Variants in MADD observed in about 807,000 individuals in gnomAD.
The protein encoded by MADD is MAP kinase-activating death domain protein.
MADD carries 109 observed loss-of-function variants against 176.7 expected under a neutral mutation model. That is an observed-to-expected ratio of 0.62 (90% CI 0.53 to 0.72). The LOEUF is 0.72. Ranked by LOEUF, MADD falls within the 30% of genes least tolerant of loss-of-function variation. The probability of loss-of-function intolerance (pLI) is 0.00; values close to 1 mark genes in which losing one functional copy is unlikely to be tolerated. For missense variants in MADD, 1,914 were observed against 2,045.5 expected (o/e 0.94, Z 1.24); for synonymous variants, 771 against 771.3 (o/e 1.00, Z 0.01).
exon 10 of MADD, chr11:47,282,909 T>G (rs748670322): frequency 6.2e-7 from 1 of 1,614,070 alleles, no homozygotes; most frequent in South Asian, 1.1e-5. Context: ...AATTCCCAGC[T>G]GGCTGAGGCC....
chr11:47,306,190 G>A (rs2082462630), intron 22 of MADD, among the ~76,000 whole-genome samples: 1 of 152,184 alleles, frequency 6.6e-6, no homozygotes, highest in South Asian at 2.1e-4. Flanking sequence ...GGGGAGTGGG[G>A]AGGGGTAGGT....
intron 26 of MADD, 81 bp from the exon 30 acceptor site, chr11:47,315,139 G>C: frequency 1.3e-6 from 1 of 790,880 alleles, no homozygotes; most frequent in East Asian, 2.5e-5. Flanking sequence ...ATATGAATTT[G>C]ATTGCTGGAT....
At chr11:47,301,746 T>C (rs1178142015) in intron 22 of MADD, among the ~76,000 whole-genome samples, 2 of 152,202 alleles carry the variant, frequency 1.3e-5, no homozygotes, top group Non-Finnish European at 2.9e-5. Flanking sequence ...TTTAAAAGTT[T>C]CTTGTTATTT....
exon 2 of MADD, chr11:47,273,959 A>G: frequency 6.2e-7 from 1 of 1,614,110 alleles, no homozygotes; most frequent in African/African-American, 1.3e-5. Context: ...TTGACTATCT[A>G]GTGATCGTAG....
chr11:47,278,695 A>G (rs1166305583), intron 6 of MADD, among the ~76,000 whole-genome samples: 1 of 152,198 alleles, frequency 6.6e-6, no homozygotes, highest in African/African-American at 2.4e-5. Flanking sequence ...CTTTGGTGGG[A>G]AGCCCTTATG....
intron 27 of MADD, among the ~76,000 whole-genome samples, chr11:47,323,129 T>G (rs1484805062): frequency 6.6e-6 from 1 of 151,544 alleles, no homozygotes; most frequent in African/African-American, 2.4e-5. Context: ...TCTCAGCTAC[T>G]CGGGAGGCTG....
intron 22 of MADD, among the ~76,000 whole-genome samples, chr11:47,302,774 G>C (rs1036693658): frequency 3.3e-5 from 5 of 151,766 alleles, no homozygotes; most frequent in Non-Finnish European, 7.4e-5. Context: ...TTGATAGTGT[G>C]GACTTACTTC....
chr11:47,324,833 C>G, intron 30 of MADD: 1 of 647,982 alleles, frequency 1.5e-6, no homozygotes, highest in East Asian at 2.7e-5. Flanking sequence ...CCACGCTGCC[C>G]CATCCGTTGG....
At chr11:47,278,955 C>G (rs760561759) in intron 6 of MADD, 44 bp from the exon 7 acceptor site, 1 of 1,538,612 alleles carries the variant, frequency 6.5e-7, no homozygotes, top group Non-Finnish European at 9.0e-7. Context: ...AATTCCTGAG[C>G]AATAAACTCT....
chr11:47,297,654 G>T (rs752543649), intron 22 of MADD, among the ~76,000 whole-genome samples: 10 of 151,566 alleles, frequency 6.6e-5, no homozygotes, highest in Non-Finnish European at 1.3e-4. Flanking sequence ...CACCATGTTA[G>T]CCAGGACGGT....
chr11:47,314,715 A>G (rs752808494), intron 26 of MADD, among the ~76,000 whole-genome samples: 1 of 152,220 alleles, frequency 6.6e-6, no homozygotes, highest in Non-Finnish European at 1.5e-5. Flanking sequence ...CCAAATACGT[A>G]TCTCTGAGGT....
In MADD at chr11:47,282,904, C is replaced by G. The variant is rs781778971; in HGVS notation, c.1797C>G (p.Ser599=). 3 of 1,614,062 alleles carry G rather than the reference C, an allele frequency of 1.9e-6. No individual in the cohort carries two copies. In the South Asian group the frequency reaches 3.3e-5, roughly 18 times the overall value. ...ACTATCGCGTCTATGACAGCAATTC[C>G]CAGCTGGCTGAGGCCCTGAGTGTAC... The change falls in exon 10 of 33, where the codon TCC becomes TCG. Residue 599 remains serine, a synonymous_variant. Transcript: ENST00000402192.
At chr11:47,275,151 C>A (rs574352608) in exon 3 of MADD, 3 of 1,611,926 alleles carry the variant, frequency 1.9e-6, no homozygotes, top group Non-Finnish European at 2.5e-6. Flanking sequence ...TCCCTCGAGG[C>A]GTACAAAGGT....
intron 27 of MADD, among the ~76,000 whole-genome samples, chr11:47,316,834 C>T (rs576723645): frequency 6.6e-6 from 1 of 152,204 alleles, no homozygotes; most frequent in African/African-American, 2.4e-5. Flanking sequence ...ACCTCTGCCC[C>T]TTGGGTTCAA....
intron 3 of MADD, among the ~76,000 whole-genome samples, 153 bp downstream of exon 3, chr11:47,275,312 G>C (rs1421965066): frequency 6.6e-6 from 1 of 152,112 alleles, no homozygotes; most frequent in African/African-American, 2.4e-5. Context: ...TTTTCTTTTG[G>C]AGACAGTCTC....
intron 22 of MADD, among the ~76,000 whole-genome samples, chr11:47,298,262 C>T (rs776511398): frequency 2.6e-5 from 4 of 152,176 alleles, no homozygotes; most frequent in South Asian, 4.1e-4. Context: ...TACTTCTCTT[C>T]GCTTAGAAGA....
rs762676490 is a variant in MADD, at chr11:47,293,872, C to T, written c.3302-11C>T. On this transcript the variant is annotated splice_polypyrimidine_tract_variant and intron_variant, in intron 19 of 32. Transcript: ENST00000402192. ...TTGTGCACGGAGTAACAGAAGTCTT[C>T]CCCTACTCAGGGCCTGAAGTAATCA... 4 of 1,581,828 alleles carry T rather than the reference C, an allele frequency of 2.5e-6. No individual in the cohort carries two copies. Among genetic ancestry groups the T allele is most frequent in the Non-Finnish European group, 3.5e-6 (4 of 1,150,586 alleles).
At chr11:47,328,162 T>C in intron 31 of MADD, 1 of 1,021,578 alleles carries the variant, frequency 9.8e-7, no homozygotes, top group Non-Finnish European at 1.2e-6. Context: ...CTCAAGACCC[T>C]CTGTGTAGGG....
intron 19 of MADD, among the ~76,000 whole-genome samples, chr11:47,291,998 G>A (rs1351436260): frequency 2.6e-5 from 4 of 152,180 alleles, no homozygotes; most frequent in African/African-American, 4.8e-5. Flanking sequence ...TTCTTGAGGA[G>A]CAATGAGGAG....
Sources: allele counts gnomAD v4.1 joint callset (sites outside exome capture counted in the v4.1 genomes callset), GRCh38; gene constraint gnomAD v4.1.1; transcripts MANE v1.5; gene names NCBI Gene and HGNC (gene_info 2026-07-23, HGNC 2026-07-21).